The following IL1RAPL2 variants were observed in gnomAD, a reference collection of about 807,000 sequenced individuals.
The protein encoded by IL1RAPL2 is X-linked interleukin-1 receptor accessory protein-like 2.
In IL1RAPL2, 3 loss-of-function variants were observed where a neutral mutation model predicts 44.1. That is an observed-to-expected ratio of 0.07 (90% CI 0.03 to 0.18). The LOEUF (loss-of-function observed/expected upper bound fraction) is 0.18, where lower values mean the gene tolerates loss of function less well. Ranked by LOEUF, IL1RAPL2 falls within the 10% of genes least tolerant of loss-of-function variation. The pLI, the probability that IL1RAPL2 is intolerant of heterozygous loss-of-function variation, is 1.00. For missense variants in IL1RAPL2, 391 were observed against 496.4 expected (o/e 0.79, Z 2.02); for synonymous variants, 181 against 178.8 (o/e 1.01, Z -0.10).
chrX:104,803,174 G>A (rs1342565072), intron 2 of IL1RAPL2, among the ~76,000 whole-genome samples: 1 of 111,654 alleles, frequency 9.0e-6, no homozygotes, highest in African/African-American at 3.3e-5. Flanking sequence ...AAGTCTGTTA[G>A]GATATCTTCT....
intron 4 of IL1RAPL2, among the ~76,000 whole-genome samples, chrX:105,254,660 T>C (rs1266861757): frequency 8.9e-6 from 1 of 112,150 alleles, no homozygotes; most frequent in Non-Finnish European, 1.9e-5. Flanking sequence ...TTGCCTAGGT[T>C]ATCTTCCAGA....
At chrX:105,430,918 A>G (rs1450386173) in intron 5 of IL1RAPL2, among the ~76,000 whole-genome samples, 2 of 111,852 alleles carry the variant, frequency 1.8e-5, no homozygotes, top group Non-Finnish European at 3.8e-5. Context: ...GTTTGGCTGC[A>G]TAATTAAAAT....
rs796099062 is a variant in IL1RAPL2 at position 105,018,983 on chromosome X, T to C, written c.83-176492T>C. Among the ~76,000 whole-genome samples, 7 of 111,780 alleles carry C rather than the reference T, an allele frequency of 6.3e-5. No individual in the cohort carries two copies. The South Asian group carries it at 2.6e-3, about 41-fold the overall frequency. The stretch of plus-strand genomic sequence containing the variant: ...CTCTCAGAGTGAGATAGCTAAGAAA[T>C]ACCAGGTGTTGCTATGGCTGAGAAA... On this transcript the variant is annotated intron_variant, in intron 2 of 10. Coordinates refer to ENST00000372582, the MANE Select transcript of IL1RAPL2 (RefSeq NM_017416.2).
chrX:104,617,419 G>A (rs748719224), intron 1 of IL1RAPL2, among the ~76,000 whole-genome samples: 2 of 111,985 alleles, frequency 1.8e-5, no homozygotes, highest in Non-Finnish European at 3.8e-5. Flanking sequence ...TCTCTAGCAC[G>A]ATTAGGGAAA....
chrX:105,483,755 A>C (rs2036247724), intron 5 of IL1RAPL2, among the ~76,000 whole-genome samples: 1 of 111,863 alleles, frequency 8.9e-6, no homozygotes, highest in Non-Finnish European at 1.9e-5. Context: ...TAAAGACTTT[A>C]CTTTCTTTCC....
intron 6 of IL1RAPL2, among the ~76,000 whole-genome samples, chrX:105,560,406 A>G (rs1030024008): frequency 1.3e-4 from 14 of 111,162 alleles, no homozygotes; most frequent in Non-Finnish European, 2.5e-4. Context: ...CTTTTCATGT[A>G]GGGTTTTTAT....
At chrX:105,204,381 T>C (rs896448694) in intron 3 of IL1RAPL2, among the ~76,000 whole-genome samples, 2 of 111,801 alleles carry the variant, frequency 1.8e-5, no homozygotes, top group African/African-American at 6.5e-5. Context: ...GTGCTGCTTC[T>C]CCTCCACCTT....
chrX:105,404,675 A>G (rs2147737040), intron 5 of IL1RAPL2, among the ~76,000 whole-genome samples: 1 of 111,355 alleles, frequency 9.0e-6, no homozygotes, highest in African/African-American at 3.3e-5. Context: ...GGTTCAACAA[A>G]TATATAGGAA....
intron 1 of IL1RAPL2, among the ~76,000 whole-genome samples, chrX:104,655,782 G>A (rs977226321): frequency 9.0e-6 from 1 of 111,441 alleles, no homozygotes; most frequent in Admixed American, 9.5e-5. Context: ...GTAGAATTTG[G>A]CTGTGAATCC....
At chrX:104,573,469 C>G (rs1302992665) in intron 1 of IL1RAPL2, among the ~76,000 whole-genome samples, 1 of 112,035 alleles carries the variant, frequency 8.9e-6, no homozygotes, top group African/African-American at 3.2e-5. Flanking sequence ...GTTCTCAACA[C>G]TTGTTTCCAC....
At chrX:104,998,150 A>T (rs2030781863) in intron 2 of IL1RAPL2, among the ~76,000 whole-genome samples, 1 of 111,649 alleles carries the variant, frequency 9.0e-6, no homozygotes, top group African/African-American at 3.3e-5. Context: ...GTTACAGGTT[A>T]AAAAGGAGTG....
intron 7 of IL1RAPL2, among the ~76,000 whole-genome samples, chrX:105,736,036 C>T (rs1336559951): frequency 1.8e-5 from 2 of 110,977 alleles, no homozygotes; most frequent in Non-Finnish European, 3.8e-5. Context: ...CAAAAACAGA[C>T]ACATAGACCA....
chrX:105,653,716 A>AAGT (rs2037657331), intron 6 of IL1RAPL2, among the ~76,000 whole-genome samples: 1 of 111,475 alleles, frequency 9.0e-6, no homozygotes, highest in Non-Finnish European at 1.9e-5. Flanking sequence ...ATGAAGTTTA[A>AAGT]CTTGAAGGTA....
At chrX:105,475,613 A>G (rs1210149478) in intron 5 of IL1RAPL2, among the ~76,000 whole-genome samples, 2 of 109,270 alleles carry the variant, frequency 1.8e-5, no homozygotes, top group African/African-American at 6.7e-5. Context: ...AGGGAGTACT[A>G]TTTTAGAGAG....
chrX:105,367,906 G>A (rs753872055), intron 5 of IL1RAPL2, among the ~76,000 whole-genome samples: 26 of 110,592 alleles, frequency 2.4e-4, no homozygotes, highest in Non-Finnish European at 4.0e-4. Flanking sequence ...AATTCTTTTA[G>A]TATTTCTTAT....
intron 2 of IL1RAPL2, among the ~76,000 whole-genome samples, chrX:105,091,716 TG>T (rs764644191): frequency 8.9e-6 from 1 of 112,224 alleles, no homozygotes; most frequent in South Asian, 3.7e-4. Flanking sequence ...GATATTTATT[TG>T]TTTAGTGTTT....
chrX:105,266,182 C>A (rs192787623), intron 4 of IL1RAPL2, among the ~76,000 whole-genome samples: 1 of 109,826 alleles, frequency 9.1e-6, no homozygotes, highest in Admixed American at 9.8e-5. Flanking sequence ...GCTGGGATTA[C>A]AGGCACATGA....
chrX:105,269,625 G>T (rs938481285), intron 5 of IL1RAPL2, among the ~76,000 whole-genome samples: 2 of 111,261 alleles, frequency 1.8e-5, no homozygotes, highest in Non-Finnish European at 3.8e-5. Flanking sequence ...TCTTCAACAT[G>T]AACTAGACTT....
chrX:104,648,045 T>C (rs1930081150), intron 1 of IL1RAPL2: 1 of 498,722 alleles, frequency 2.0e-6, no homozygotes, highest in Non-Finnish European at 3.5e-6. Context: ...CACTCTGACC[T>C]CCACATGAAT....
Sources: allele counts gnomAD v4.1 joint callset (sites outside exome capture counted in the v4.1 genomes callset), GRCh38; gene constraint gnomAD v4.1.1; transcripts MANE v1.5; gene names NCBI Gene and HGNC (gene_info 2026-07-23, HGNC 2026-07-21).